MROH2B: variants seen among roughly 807,000 people sequenced by gnomAD.
MROH2B encodes maestro heat like repeat family member 2B, also known as maestro heat-like repeat-containing protein family member 2B.
Under a neutral mutation model 208.6 loss-of-function variants are expected in MROH2B, and 177 were observed. The observed-to-expected ratio is 0.85, with a 90% CI of 0.75 to 0.96. The LOEUF (loss-of-function observed/expected upper bound fraction) is 0.96, where lower values mean the gene tolerates loss of function less well. Ranked by LOEUF, MROH2B falls within the 40% of genes least tolerant of loss-of-function variation. The pLI, the probability that MROH2B is intolerant of heterozygous loss-of-function variation, is 0.00. For missense variants in MROH2B, 2,002 were observed against 1,878.7 expected (o/e 1.07, Z -1.21); for synonymous variants, 728 against 659.0 (o/e 1.10, Z -1.60).
At chr5:41,025,186 G>A (rs1437824373) in intron 24 of MROH2B, among the ~76,000 whole-genome samples, 2 of 151,912 alleles carry the variant, frequency 1.3e-5, no homozygotes, top group African/African-American at 2.4e-5. Flanking sequence ...ACTAAGATCA[G>A]AGCAGAACCA....
chr5:41,009,263 C>T lies in MROH2B; in HGVS notation c.3420+17G>A, dbSNP rs774837568. The T allele has an allele frequency of 6.2e-7, 1 of 1,613,532 alleles. No homozygotes were observed. The highest frequency in any genetic ancestry group is 8.5e-7 in the Non-Finnish European group (1 of 1,179,678). On this transcript the variant is annotated intron_variant, in intron 32 of 41. Coordinates refer to ENST00000399564, the MANE Select transcript of MROH2B (RefSeq NM_173489.5). ...CGCAGTCTCAGGCAAGTGATGGGTT[C>T]AGGCTGTCCAACTCACTGAAATTGC...
At chr5:41,062,051 C>T (rs1029894636) in intron 5 of MROH2B, among the ~76,000 whole-genome samples, 2 of 148,872 alleles carry the variant, frequency 1.3e-5, no homozygotes, top group African/African-American at 2.6e-5. Context: ...TTGGCACTAT[C>T]TAGCAAAGTT....
chr5:41,003,428 G>A (rs1361409799), intron 37 of MROH2B, among the ~76,000 whole-genome samples: 1 of 152,084 alleles, frequency 6.6e-6, no homozygotes, highest in African/African-American at 2.4e-5. Flanking sequence ...CATATAGTTA[G>A]CATGCCAAAA....
intron 33 of MROH2B, 109 bp downstream of exon 33, chr5:41,008,497 T>C (rs1741664711): frequency 1.6e-6 from 2 of 1,275,692 alleles, no homozygotes; most frequent in Non-Finnish European, 2.2e-6. Context: ...TGTTTCTTCA[T>C]GGACAATGGA....
intron 24 of MROH2B, among the ~76,000 whole-genome samples, chr5:41,020,740 A>G (rs1469839810): frequency 6.6e-6 from 1 of 152,250 alleles, no homozygotes; most frequent in Non-Finnish European, 1.5e-5. Flanking sequence ...TGGTTAAGTA[A>G]GATGAGACAT....
intron 6 of MROH2B, among the ~76,000 whole-genome samples, chr5:41,060,275 A>T (rs1743594880): frequency 6.6e-6 from 1 of 152,136 alleles, no homozygotes; most frequent in African/African-American, 2.4e-5. Context: ...GTCTTATCTT[A>T]GTCCACCCCA....
At chr5:40,999,913 A>G in intron 39 of MROH2B, 134 bp from the exon 40 acceptor site, 4 of 781,716 alleles carry the variant, frequency 5.1e-6, no homozygotes, top group Non-Finnish European at 8.2e-6. Flanking sequence ...TTGGCTGAAA[A>G]TTGTCTTATG....
Position 41,005,588 on chromosome 5 carries a change from T to C in MROH2B, c.3807A>G (p.Ser1269=), listed in dbSNP as rs746343567. 14 of 1,611,626 alleles carry C rather than the reference T, an allele frequency of 8.7e-6. No individual in the cohort carries two copies. The highest frequency in any genetic ancestry group is 6.7e-5 in the Admixed American group (4 of 59,776). The change falls in exon 35 of 42, where the codon TCA becomes TCG. Residue 1269 remains serine (S), a synonymous_variant. Coordinates refer to ENST00000399564, the MANE Select transcript of MROH2B (RefSeq NM_173489.5). ...VILDIMEQLL[S]SLTSSSENYR... is the part of the protein sequence containing the mutation. ...AGTTCTCCGAGGAGGAGGTAAGAGA[T>C]GAGAGCAGCTGTTCCATGATGTCCA...
chr5:41,054,513 C>T (rs549579177), intron 11 of MROH2B, among the ~76,000 whole-genome samples: 3 of 152,262 alleles, frequency 2.0e-5, no homozygotes, highest in Admixed American at 6.5e-5. Flanking sequence ...ATGTGTTAAT[C>T]CACTGATTTC....
intron 28 of MROH2B, among the ~76,000 whole-genome samples, chr5:41,016,831 G>T (rs998727132): frequency 1.3e-5 from 2 of 151,796 alleles, no homozygotes; most frequent in South Asian, 2.1e-4. Flanking sequence ...TTCCTGACTT[G>T]GTAAAAACAT....
rs116584060 is a variant in MROH2B, at chr5:41,049,308, C to A, written c.1473G>T (p.Ser491=). 85 of 1,613,352 alleles carry A rather than the reference C, an allele frequency of 5.3e-5. No individual in the cohort carries two copies. The highest frequency in any genetic ancestry group is 6.3e-5 in the Non-Finnish European group (74 of 1,179,680). The change falls in exon 14 of 42, where the codon TCG becomes TCT. Residue 491 remains serine (S), a synonymous_variant. Transcript: ENST00000399564. ...CTCCTGTAGAGACGACAAGTGCTGT[C>A]GACTCCTTGGCACTGTGCTGCTTCT... ...EEKKQHSAKE[S]TALVVSTGAV...
At chr5:41,055,552 A>G (rs1035499) in intron 10 of MROH2B, among the ~76,000 whole-genome samples, 190 bp downstream of exon 10, 18 of 152,266 alleles carry the variant, frequency 1.2e-4, no homozygotes, top group African/African-American at 4.3e-4. Flanking sequence ...ATGTTACGAA[A>G]GAAGAGAAGT....
At chr5:41,025,713 C>T (rs1037127248) in intron 24 of MROH2B, among the ~76,000 whole-genome samples, 5 of 152,242 alleles carry the variant, frequency 3.3e-5, no homozygotes, top group Admixed American at 3.3e-4. Flanking sequence ...GATACCAAAG[C>T]CTGGCAGAGA....
intron 6 of MROH2B, 138 bp downstream of exon 6, chr5:41,061,431 AG>A: frequency 1.3e-6 from 1 of 754,490 alleles, no homozygotes; most frequent in East Asian, 2.9e-5. Flanking sequence ...GTGGGAAAAA[AG>A]AAAAAATTGA....
rs751001171 is a variant in MROH2B, at chr5:41,057,202, G to GGTA, written c.850-27_850-25dup. 2.5e-6 allele frequency: 4 copies of GGTA among 1,613,094 alleles called. No individual in the cohort carries two copies. The African/African-American group carries it at 5.3e-5, about 22-fold the overall frequency. On this transcript the variant is annotated intron_variant, in intron 8 of 41. Transcript: ENST00000399564. ...ATCTGAATGGGGGTGGAAATCAGGTGGTAGATGTTAAACACAGAAAACCGG... is the reference window on the plus strand; with the variant it reads ...ATCTGAATGGGGGTGGAAATCAGGTGGTAGTAGATGTTAAACACAGAAAACCGG...
rs1221699423 is a variant in MROH2B at position 41,065,440 on chromosome 5, A to T, written c.252T>A (p.Ala84=). 6.2e-7 allele frequency: 1 copy of T among 1,613,508 alleles called. No homozygotes were observed. The highest frequency in any genetic ancestry group is 2.2e-5 in the East Asian group (1 of 44,888). Residue 84 remains alanine (A), a synonymous_variant, in exon 4 of 42, where the codon GCT becomes GCA. Transcript: ENST00000399564. ...ACATCACAGAGTTGAAATCATGTGC[A>T]GCAAGAGACACCAAAACCTCACCAG... ...MLAGEVLVSL[A]AHDFNSVMYE...
intron 41 of MROH2B, 139 bp downstream of exon 41, chr5:40,998,473 A>T: frequency 1.5e-6 from 1 of 688,954 alleles, no homozygotes. Context: ...GAGAAATTCT[A>T]GTGTCTAGAG....
At chr5:41,006,032 C>CAAA (rs5867531) in intron 34 of MROH2B, among the ~76,000 whole-genome samples, 4 of 129,890 alleles carry the variant, frequency 3.1e-5, no homozygotes, top group Non-Finnish European at 3.2e-5. Flanking sequence ...ATTCTGTCTC[C>CAAA]AAAAAAAAAA....
At chr5:41,027,969 A>G (rs545847640) in intron 24 of MROH2B, among the ~76,000 whole-genome samples, 40 of 151,644 alleles carry the variant, frequency 2.6e-4, no homozygotes, top group Middle Eastern at 3.4e-3. Flanking sequence ...GTTCTCACTC[A>G]CAGGTGGGAA....
Sources: allele counts gnomAD v4.1 joint callset (sites outside exome capture counted in the v4.1 genomes callset), GRCh38; gene constraint gnomAD v4.1.1; transcripts MANE v1.5; gene names NCBI Gene and HGNC (gene_info 2026-07-23, HGNC 2026-07-21).